The following BICD1 variants were observed in gnomAD, a reference collection of about 807,000 sequenced individuals.
BICD1 encodes protein bicaudal D homolog 1.
Under a neutral mutation model 92.5 loss-of-function variants are expected in BICD1, and 35 were observed. The ratio of observed to expected loss-of-function variants is 0.38; its 90% confidence interval spans 0.29 to 0.50. The LOEUF is 0.50. Among genes scored for constraint, BICD1 ranks in the 20% least tolerant of loss-of-function variants. The probability of loss-of-function intolerance (pLI) is 0.93; values close to 1 mark genes in which losing one functional copy is unlikely to be tolerated. For missense variants in BICD1, 950 were observed against 1,189.8 expected, an observed-to-expected ratio of 0.80 and a Z score of 2.97; for synonymous variants, 429 against 465.1, an observed-to-expected ratio of 0.92 and a Z score of 1.00.
At chr12:32,281,840 G>A (rs1947418417) in intron 2 of BICD1, among the ~76,000 whole-genome samples, 1 of 152,118 alleles carries the variant, frequency 6.6e-6, no homozygotes, top group African/African-American at 2.4e-5. Flanking sequence ...TGGAAGTGAT[G>A]AGACTGAGCT....
At chr12:32,243,424 C>G (rs1352689576) in intron 2 of BICD1, among the ~76,000 whole-genome samples, 1 of 151,744 alleles carries the variant, frequency 6.6e-6, no homozygotes, top group Admixed American at 6.6e-5. Context: ...AGGGTTATTT[C>G]TTAGGGATAG....
At chr12:32,222,774 T>G (rs1239178817) in intron 2 of BICD1, among the ~76,000 whole-genome samples, 2 of 152,176 alleles carry the variant, frequency 1.3e-5, no homozygotes, top group East Asian at 3.8e-4. Flanking sequence ...GGGAGCTAGC[T>G]AGGCCTTTTG....
At chr12:32,280,861 A>G (rs1947393383) in intron 2 of BICD1, among the ~76,000 whole-genome samples, 1 of 152,192 alleles carries the variant, frequency 6.6e-6, no homozygotes, top group Non-Finnish European at 1.5e-5. Context: ...TACAGTTGGA[A>G]GGGTCTAGCT....
chr12:32,277,495 A>G (rs1026157045), intron 2 of BICD1, among the ~76,000 whole-genome samples: 4 of 152,226 alleles, frequency 2.6e-5, no homozygotes, highest in African/African-American at 9.6e-5. Flanking sequence ...ATTCACGATT[A>G]TTTTAAGCTT....
chr12:32,309,418 C>CAT (rs1288832760), intron 4 of BICD1, among the ~76,000 whole-genome samples: 1 of 152,080 alleles, frequency 6.6e-6, no homozygotes, highest in African/African-American at 2.4e-5. Flanking sequence ...TAATATGCAG[C>CAT]ATATACCACA....
chr12:32,179,019 C>T (rs372349141), intron 1 of BICD1, among the ~76,000 whole-genome samples: 6 of 151,942 alleles, frequency 3.9e-5, no homozygotes, highest in African/African-American at 9.7e-5. Context: ...TTTAACAGAG[C>T]GGCCACCTTT....
intron 8 of BICD1, chr12:32,340,555 TA>T: frequency 1.1e-6 from 1 of 891,966 alleles, no homozygotes; most frequent in South Asian, 5.2e-5. Context: ...GCTGTTTAAT[TA>T]AAAAGATAAC....
chr12:32,276,474 C>T (rs1488472234), intron 2 of BICD1, among the ~76,000 whole-genome samples: 2 of 152,162 alleles, frequency 1.3e-5, no homozygotes, highest in Non-Finnish European at 1.5e-5. Flanking sequence ...CCAGAGAGTT[C>T]ACTAAAATGC....
chr12:32,138,364 C>G (rs1394422156), intron 1 of BICD1, among the ~76,000 whole-genome samples: 1 of 152,176 alleles, frequency 6.6e-6, no homozygotes, highest in African/African-American at 2.4e-5. Flanking sequence ...AATATATTAA[C>G]TCATTCAGAC....
At chr12:32,354,847 T>A (rs185630183) in intron 8 of BICD1, among the ~76,000 whole-genome samples, 5 of 152,316 alleles carry the variant, frequency 3.3e-5, no homozygotes, top group South Asian at 4.1e-4. Flanking sequence ...TGCTCTTCTT[T>A]TATATATAAT....
intron 1 of BICD1, among the ~76,000 whole-genome samples, chr12:32,162,518 A>G (rs1409275938): frequency 6.6e-6 from 1 of 152,200 alleles, no homozygotes. Flanking sequence ...AATGGGTATC[A>G]TCTTTCTTCA....
At chr12:32,340,083 G>A in intron 8 of BICD1, 6 of 984,364 alleles carry the variant, frequency 6.1e-6, no homozygotes, top group Non-Finnish European at 7.2e-6. Context: ...TGCCACCGTT[G>A]AAATAGAATT....
At chr12:32,160,518 G>A (rs1943567316) in intron 1 of BICD1, among the ~76,000 whole-genome samples, 1 of 151,116 alleles carries the variant, frequency 6.6e-6, no homozygotes, top group Non-Finnish European at 1.5e-5. Flanking sequence ...TTTTAATGGA[G>A]CCTCAATACA....
chr12:32,141,679 G>A (rs891105316), intron 1 of BICD1, among the ~76,000 whole-genome samples: 71 of 152,098 alleles, frequency 4.7e-4, no homozygotes, highest in African/African-American at 1.7e-3. Flanking sequence ...TCACCATGTT[G>A]GCCAGGCTGG....
intron 9 of BICD1, among the ~76,000 whole-genome samples, chr12:32,372,483 A>G (rs1939776844): frequency 6.6e-6 from 1 of 152,182 alleles, no homozygotes; most frequent in Admixed American, 6.6e-5. Context: ...TCCATCTTAA[A>G]AAAAAAATTA....
intron 2 of BICD1, among the ~76,000 whole-genome samples, chr12:32,242,554 A>G (rs1946267319): frequency 1.3e-5 from 2 of 152,164 alleles, no homozygotes; most frequent in African/African-American, 4.8e-5. Flanking sequence ...TTCACAAAAG[A>G]AAAATTGTAT....
At chr12:32,352,041 C>T (rs2136306914) in intron 8 of BICD1, among the ~76,000 whole-genome samples, 1 of 149,650 alleles carries the variant, frequency 6.7e-6, no homozygotes, top group East Asian at 2.0e-4. Context: ...CCCATCTCTA[C>T]TAAAAATACA....
intron 2 of BICD1, among the ~76,000 whole-genome samples, chr12:32,223,582 ATCT>A (rs1240335508): frequency 6.6e-6 from 1 of 150,832 alleles, no homozygotes; most frequent in African/African-American, 2.4e-5. Flanking sequence ...GGCTGGTTTG[ATCT>A]TCTATCCAGA....
chr12:32,147,052 C>T (rs2121407759), intron 1 of BICD1, among the ~76,000 whole-genome samples: 1 of 152,024 alleles, frequency 6.6e-6, no homozygotes, highest in Middle Eastern at 3.4e-3. Flanking sequence ...GTGATCCTCT[C>T]ACCTTAGCCT....
Sources: gnomAD v4.1 joint callset for allele counts (sites outside exome capture counted in the v4.1 genomes callset) on GRCh38, gnomAD v4.1.1 for gene constraint, MANE v1.5 for transcripts, NCBI Gene and HGNC (gene_info 2026-07-23, HGNC 2026-07-21) for gene names.